The following INPP4B variants were observed in gnomAD, a reference collection of about 807,000 sequenced individuals.
INPP4B encodes inositol polyphosphate 4-phosphatase type II.
INPP4B carries 55 observed loss-of-function variants against 122.5 expected under a neutral mutation model. That is an observed-to-expected ratio of 0.45 (90% CI 0.36 to 0.56). The LOEUF (loss-of-function observed/expected upper bound fraction) is 0.56, where lower values mean the gene tolerates loss of function less well. INPP4B is among the 20% of genes least tolerant of loss of function. The probability of loss-of-function intolerance (pLI) is 0.00; values close to 1 mark genes in which losing one functional copy is unlikely to be tolerated. For synonymous variants in INPP4B, 403 were observed against 388.7 expected, an observed-to-expected ratio of 1.04 and a Z score of -0.43; for missense variants, 1,000 against 1,097.7, an observed-to-expected ratio of 0.91 and a Z score of 1.26.
rs531647669 is a variant in INPP4B, at chr4:142,525,998, G to T, written c.-190-63272C>A. On this transcript the variant is annotated intron_variant, in intron 2 of 25. Coordinates refer to ENST00000262992, the MANE Select transcript of INPP4B (RefSeq NM_001101669.3). ...TTTCTGCTTTTAGCTTTAAGTATCT[G>T]CAGGGAAGGTAATTTGTCTGGCACG... Among the ~76,000 whole-genome samples the T allele has an allele frequency of 3.3e-5, 5 of 152,238 alleles. No homozygotes were observed. In the East Asian group the frequency reaches 7.8e-4, roughly 24 times the overall value.
At chr4:142,743,715 G>A (rs1561021306) in intron 1 of INPP4B, among the ~76,000 whole-genome samples, 2 of 151,866 alleles carry the variant, frequency 1.3e-5, no homozygotes, top group Non-Finnish European at 2.9e-5. Context: ...CCCTAACAAA[G>A]CTTAAAGCTA....
At chr4:142,367,484 T>C (rs1488210185) in intron 7 of INPP4B, among the ~76,000 whole-genome samples, 1 of 152,104 alleles carries the variant, frequency 6.6e-6, no homozygotes, top group Non-Finnish European at 1.5e-5. Flanking sequence ...TTTATTAATA[T>C]GTTTTACTAT....
At chr4:142,098,740 C>A (rs76996384) in intron 23 of INPP4B, among the ~76,000 whole-genome samples, 19 of 151,898 alleles carry the variant, frequency 1.3e-4, no homozygotes, top group Non-Finnish European at 2.5e-4. Flanking sequence ...GGAAGAACAG[C>A]TTTTTTAAGG....
chr4:142,369,615 TAA>T (rs1561948363), intron 7 of INPP4B, among the ~76,000 whole-genome samples: 477 of 143,496 alleles, frequency 3.3e-3, no homozygotes, highest in Middle Eastern at 0.025. Context: ...AATAAATAAA[TAA>T]AAATAAAAAA....
chr4:142,793,368 G>GA (rs1041995048), intron 1 of INPP4B, among the ~76,000 whole-genome samples: 1 of 152,056 alleles, frequency 6.6e-6, no homozygotes, highest in African/African-American at 2.4e-5. Flanking sequence ...ACCCACAATA[G>GA]AAACTCAGTT....
intron 16 of INPP4B, among the ~76,000 whole-genome samples, chr4:142,164,910 T>C (rs1195477113): frequency 6.6e-6 from 1 of 151,646 alleles, no homozygotes; most frequent in Non-Finnish European, 1.5e-5. Context: ...ATGCTTCTCT[T>C]TCTTGATTGG....
At chr4:142,422,384 A>T (rs1245265116) in intron 5 of INPP4B, among the ~76,000 whole-genome samples, 1 of 152,102 alleles carries the variant, frequency 6.6e-6, no homozygotes, top group Non-Finnish European at 1.5e-5. Context: ...CCCATAATAG[A>T]TGCTGAAAAA....
At chr4:142,238,095 G>T in intron 11 of INPP4B, 84 bp from the exon 12 acceptor site, 3 of 596,016 alleles carry the variant, frequency 5.0e-6, no homozygotes, top group Non-Finnish European at 5.6e-6. Context: ...CATTAATCAA[G>T]ATGGCATTTT....
At chr4:142,393,700 G>T (rs1183146138) in intron 7 of INPP4B, among the ~76,000 whole-genome samples, 1 of 152,240 alleles carries the variant, frequency 6.6e-6, no homozygotes, top group Non-Finnish European at 1.5e-5. Flanking sequence ...TGCAACAATA[G>T]CTGAGTCTTG....
At chr4:142,650,542 T>TA (rs551102046) in intron 2 of INPP4B, among the ~76,000 whole-genome samples, 463 of 128,234 alleles carry the variant, frequency 3.6e-3, no homozygotes, top group Middle Eastern at 8.1e-3. Flanking sequence ...AAATGGAAAG[T>TA]AAAAAAAAAA....
chr4:142,473,941 A>G (rs1014508318), intron 2 of INPP4B, among the ~76,000 whole-genome samples: 1 of 152,086 alleles, frequency 6.6e-6, no homozygotes, highest in Non-Finnish European at 1.5e-5. Flanking sequence ...CCAGGTGGAC[A>G]ATGCTTGCTA....
At chr4:142,564,068 A>T (rs1464527450) in intron 2 of INPP4B, among the ~76,000 whole-genome samples, 1 of 152,248 alleles carries the variant, frequency 6.6e-6, no homozygotes, top group Non-Finnish European at 1.5e-5. Context: ...ACACAACAAA[A>T]GATAGTAGAT....
chr4:142,546,001 G>C (rs1458925811), intron 2 of INPP4B, among the ~76,000 whole-genome samples: 1 of 151,586 alleles, frequency 6.6e-6, no homozygotes, highest in East Asian at 1.9e-4. Flanking sequence ...TTGTGTCATG[G>C]GTGTTTTTTG....
At chr4:142,585,908 G>A (rs981249115) in intron 2 of INPP4B, among the ~76,000 whole-genome samples, 3 of 150,862 alleles carry the variant, frequency 2.0e-5, no homozygotes, top group Admixed American at 6.6e-5. Context: ...TGTGCACAAC[G>A]GGCAGGTTTG....
chr4:142,709,525 T>C (rs776903229), intron 2 of INPP4B, among the ~76,000 whole-genome samples: 4 of 152,256 alleles, frequency 2.6e-5, no homozygotes, highest in Middle Eastern at 6.8e-3. Flanking sequence ...GTTCTCATAA[T>C]AGTGAGTTCT....
chr4:142,465,562 C>G (rs1817608243), intron 2 of INPP4B, among the ~76,000 whole-genome samples: 2 of 152,088 alleles, frequency 1.3e-5, no homozygotes, highest in Admixed American at 1.3e-4. Flanking sequence ...ATTGAGGTGG[C>G]CTCCTATTGT....
At chr4:142,067,696 G>A (rs1764372010) in intron 25 of INPP4B, among the ~76,000 whole-genome samples, 1 of 152,122 alleles carries the variant, frequency 6.6e-6, no homozygotes, top group South Asian at 2.1e-4. Context: ...ACAAGCTTCA[G>A]TACCCAATTT....
intron 25 of INPP4B, chr4:142,030,042 GA>G (rs1738808070): frequency 7.2e-7 from 1 of 1,380,338 alleles, no homozygotes; most frequent in South Asian, 1.9e-5. Flanking sequence ...CTGTGAATTT[GA>G]AAATGTAAAA....
rs1479837462 is a variant in INPP4B, at chr4:142,442,337, G to A, written c.-126-10952C>T. ...TGAGGCAGGAGAATTGCTTGAACCC[G>A]GGAGGCGGAGGTTGCAGTGAGCCAA... On this transcript the variant is annotated intron_variant, in intron 3 of 25. Coordinates refer to ENST00000262992, the MANE Select transcript of INPP4B (RefSeq NM_001101669.3). Among the ~76,000 whole-genome samples, 8 of 147,006 alleles carry A rather than the reference G, an allele frequency of 5.4e-5. No individual in the cohort carries two copies. The East Asian group carries it at 7.9e-4, about 15-fold the overall frequency.
Sources: gnomAD v4.1 joint callset for allele counts (sites outside exome capture counted in the v4.1 genomes callset) on GRCh38, gnomAD v4.1.1 for gene constraint, MANE v1.5 for transcripts, NCBI Gene and HGNC (gene_info 2026-07-23, HGNC 2026-07-21) for gene names.